NRG1: variants seen among roughly 807,000 people sequenced by gnomAD.
NRG1 encodes the protein pro-neuregulin-1, membrane-bound isoform.
Under a neutral mutation model 63.8 loss-of-function variants are expected in NRG1, and 18 were observed. The observed-to-expected ratio is 0.28, with a 90% confidence interval of 0.19 to 0.42. The LOEUF is 0.42. NRG1 is among the 10% of genes least tolerant of loss of function. The probability of loss-of-function intolerance (pLI) is 1.00; values close to 1 mark genes in which losing one functional copy is unlikely to be tolerated. For missense variants in NRG1, 762 were observed against 814.7 expected, an observed-to-expected ratio of 0.94 and a Z score of 0.79; for synonymous variants, 302 against 301.3, an observed-to-expected ratio of 1.00 and a Z score of -0.02.
intron 1 of NRG1, among the ~76,000 whole-genome samples, chr8:32,044,070 AAAT>A (rs1290396725): frequency 6.6e-6 from 1 of 151,958 alleles, no homozygotes; most frequent in African/African-American, 2.4e-5. Context: ...AATCACTTTA[AAAT>A]AATGACAAAG....
intron 5 of NRG1, chr8:32,647,541 C>A: frequency 1.0e-6 from 1 of 985,322 alleles, no homozygotes; most frequent in Non-Finnish European, 1.2e-6. Flanking sequence ...TTTGTAGTTG[C>A]TAGGAGCTTT....
chr8:31,887,496 C>T (rs746313273), intron 1 of NRG1, among the ~76,000 whole-genome samples: 2 of 151,922 alleles, frequency 1.3e-5, no homozygotes, highest in African/African-American at 2.4e-5. Context: ...TAAAGGTACT[C>T]GAGTTCCTAG....
chr8:31,787,131 G>T (rs1411278438), intron 1 of NRG1, among the ~76,000 whole-genome samples: 2 of 152,178 alleles, frequency 1.3e-5, no homozygotes, highest in Non-Finnish European at 2.9e-5. Flanking sequence ...CAGGAAAGTG[G>T]ATGAAGACCA....
intron 1 of NRG1, among the ~76,000 whole-genome samples, chr8:31,890,390 T>C (rs1264485118): frequency 6.6e-6 from 1 of 151,982 alleles, no homozygotes; most frequent in Non-Finnish European, 1.5e-5. Flanking sequence ...ATTAACAAAA[T>C]TGTTGAAAAA....
chr8:31,684,911 A>G (rs1048976770), intron 1 of NRG1, among the ~76,000 whole-genome samples: 1 of 152,196 alleles, frequency 6.6e-6, no homozygotes, highest in Non-Finnish European at 1.5e-5. Flanking sequence ...AACTTGATAT[A>G]AATAGAAATA....
chr8:31,928,764 T>C (rs554432763), intron 1 of NRG1, among the ~76,000 whole-genome samples: 2 of 152,272 alleles, frequency 1.3e-5, no homozygotes, highest in East Asian at 3.9e-4. Context: ...AAATAAAGTA[T>C]TTCAGGAATC....
intron 1 of NRG1, among the ~76,000 whole-genome samples, chr8:32,407,503 A>T (rs748977620): frequency 5.9e-5 from 9 of 151,906 alleles, no homozygotes; most frequent in Non-Finnish European, 1.0e-4. Flanking sequence ...TTTACTTTAG[A>T]ATAAGAGGGA....
intron 1 of NRG1, among the ~76,000 whole-genome samples, chr8:32,117,202 C>G (rs988093010): frequency 4.1e-4 from 62 of 151,908 alleles, no homozygotes; most frequent in Non-Finnish European, 6.6e-4. Flanking sequence ...TCAAAATAAC[C>G]TGTGAAATCA....
In NRG1 at chr8:32,702,764, G is replaced by A. The variant is rs147394062; in HGVS notation, c.503-25185G>A. 3.1e-3 allele frequency among the ~76,000 whole-genome samples: 475 copies of A among 152,278 alleles called. 5 individuals carry two copies. Among genetic ancestry groups the A allele is most frequent in the African/African-American group, 0.011 (458 of 41,552 alleles). On this transcript the variant is annotated intron_variant, in intron 5 of 11. Transcript: ENST00000356819. ...CCCAAAGTGCTGGGATTACAGGTGT[G>A]AGCCACCATGCCAGGCCTGAATTTT...
intron 1 of NRG1, among the ~76,000 whole-genome samples, chr8:32,252,561 T>G (rs1165785009): frequency 6.6e-6 from 1 of 152,202 alleles, no homozygotes; most frequent in Admixed American, 6.5e-5. Flanking sequence ...TATATATCTG[T>G]TTTGGTACCA....
intron 1 of NRG1, among the ~76,000 whole-genome samples, chr8:32,300,808 G>C (rs557223196): frequency 1.3e-5 from 2 of 152,268 alleles, no homozygotes; most frequent in African/African-American, 4.8e-5. Context: ...TTGTTTTCGA[G>C]TCACAGAGAA....
intron 1 of NRG1, among the ~76,000 whole-genome samples, chr8:31,866,413 A>G (rs1828965052): frequency 6.6e-6 from 1 of 152,170 alleles, no homozygotes; most frequent in South Asian, 2.1e-4. Context: ...TTTTTAAACG[A>G]TAATCTTTTT....
chr8:31,937,876 A>G (rs1801166810), intron 1 of NRG1, among the ~76,000 whole-genome samples: 1 of 152,160 alleles, frequency 6.6e-6, no homozygotes, highest in African/African-American at 2.4e-5. Flanking sequence ...CTGCCAAAAG[A>G]GAGGCTGAAC....
At chr8:32,073,148 G>GT (rs908769587) in intron 1 of NRG1, among the ~76,000 whole-genome samples, 31 of 152,108 alleles carry the variant, frequency 2.0e-4, no homozygotes, top group African/African-American at 6.8e-4. Flanking sequence ...TCAACATCTC[G>GT]TTTTTTTCCA....
At chr8:32,502,504 C>T (rs1827983556) in intron 1 of NRG1, among the ~76,000 whole-genome samples, 1 of 147,042 alleles carries the variant, frequency 6.8e-6, no homozygotes. Flanking sequence ...CAGTCCTAGC[C>T]AGCGTGGCCA....
chr8:32,390,891 G>A (rs1161801306), intron 1 of NRG1, among the ~76,000 whole-genome samples: 1 of 152,032 alleles, frequency 6.6e-6, no homozygotes, highest in Non-Finnish European at 1.5e-5. Context: ...TAAAAAAAAA[G>A]TGAGAAGTCA....
intron 5 of NRG1, among the ~76,000 whole-genome samples, chr8:32,631,328 C>T (rs528659667): frequency 2.3e-4 from 35 of 152,254 alleles, no homozygotes; most frequent in African/African-American, 7.9e-4. Flanking sequence ...TCCTTCCAAC[C>T]CCCAAGGCTC....
At chr8:31,920,900 ATAG>A (rs1833853047) in intron 1 of NRG1, among the ~76,000 whole-genome samples, 1 of 97,956 alleles carries the variant, frequency 1.0e-5, no homozygotes, top group South Asian at 3.2e-4. Flanking sequence ...AGATAGATAG[ATAG>A]ATAGATAGAT....
At chr8:32,261,370 T>TG (rs1390761214) in intron 1 of NRG1, among the ~76,000 whole-genome samples, 1 of 151,822 alleles carries the variant, frequency 6.6e-6, no homozygotes, top group Non-Finnish European at 1.5e-5. Context: ...TGTGTGTGTG[T>TG]GTGTGTGTGT....
Sources: allele counts gnomAD v4.1 joint callset (sites outside exome capture counted in the v4.1 genomes callset), GRCh38; gene constraint gnomAD v4.1.1; transcripts MANE v1.5; gene names NCBI Gene and HGNC (gene_info 2026-07-23, HGNC 2026-07-21).